RSPO3: variants seen among roughly 807,000 people sequenced by gnomAD.
RSPO3 encodes the protein R-spondin-3.
A neutral mutation model predicts 36.5 loss-of-function variants in RSPO3; 17 were observed. The ratio of observed to expected loss-of-function variants is 0.47; its 90% CI spans 0.32 to 0.70. The LOEUF (loss-of-function observed/expected upper bound fraction) is 0.70, where lower values mean the gene tolerates loss of function less well. Ranked by LOEUF, RSPO3 falls within the 30% of genes least tolerant of loss-of-function variation. The probability of loss-of-function intolerance (pLI) is 0.04; values close to 1 mark genes in which losing one functional copy is unlikely to be tolerated. For synonymous variants in RSPO3, 108 were observed against 107.0 expected (o/e 1.01, Z -0.06); for missense variants, 294 against 322.5 (o/e 0.91, Z 0.68).
At chr6:127,126,742 T>A (rs1026247252) in intron 1 of RSPO3, among the ~76,000 whole-genome samples, 1 of 152,086 alleles carries the variant, frequency 6.6e-6, no homozygotes, top group Non-Finnish European at 1.5e-5. Context: ...TATGCTCTCT[T>A]AATATAAGAG....
At chr6:127,137,786 G>C (rs1284084873) in intron 1 of RSPO3, among the ~76,000 whole-genome samples, 1 of 151,970 alleles carries the variant, frequency 6.6e-6, no homozygotes, top group African/African-American at 2.4e-5. Context: ...GTAGTCTTTA[G>C]ATATCTCAAT....
chr6:127,121,242 T>A (rs184136568), intron 1 of RSPO3, among the ~76,000 whole-genome samples: 3 of 152,292 alleles, frequency 2.0e-5, no homozygotes, highest in Admixed American at 2.0e-4. Context: ...TTGTAGTCCT[T>A]TTGTGCCCAC....
At position 127,133,735 on chromosome 6, in the gene RSPO3, A is replaced by C. The variant is rs1436004177; in HGVS notation, c.97+14446A>C. On this transcript the variant is annotated intron_variant, in intron 1 of 4. Coordinates refer to ENST00000356698, the MANE Select transcript of RSPO3 (RefSeq NM_032784.5). ...TAAAAAGCTAACAAGGCAAAAAAGG[A>C]ATCTTGTTAGGGGAAAAATATGGAA... 7.9e-5 allele frequency among the ~76,000 whole-genome samples: 12 copies of C among 152,256 alleles called. No individual in the cohort carries two copies. In the East Asian group the frequency reaches 2.3e-3, roughly 29 times the overall value.
At chr6:127,157,098 C>T (rs1774609846) in intron 4 of RSPO3, among the ~76,000 whole-genome samples, 1 of 152,078 alleles carries the variant, frequency 6.6e-6, no homozygotes, top group Non-Finnish European at 1.5e-5. Flanking sequence ...GGCCTTTTGG[C>T]ATTTGTTACC....
intron 4 of RSPO3, among the ~76,000 whole-genome samples, chr6:127,157,727 A>G (rs1441127810): frequency 2.0e-5 from 3 of 152,008 alleles, no homozygotes; most frequent in Non-Finnish European, 4.4e-5. Context: ...TTCCAGATTT[A>G]GTCCTACTTT....
chr6:127,176,206 T>A (rs900812658), intron 4 of RSPO3, among the ~76,000 whole-genome samples: 8 of 151,882 alleles, frequency 5.3e-5, no homozygotes, highest in African/African-American at 1.9e-4. Flanking sequence ...ATTTATGAGA[T>A]ACTTTAATGT....
At position 127,148,663 on chromosome 6, in the gene RSPO3, G is replaced by C; in HGVS notation, c.113G>C (p.Ser38Thr). 1 of 1,612,300 alleles carries C rather than the reference G, an allele frequency of 6.2e-7. No homozygotes were observed. The change falls in exon 2 of 5, where the codon AGT (serine) becomes ACT (threonine). Residue 38 changes from serine to threonine, a missense_variant. Ser to Thr is a moderately conservative substitution (Grantham distance 58). Around this residue, in one of 3 missense-constraint regions of RSPO3, gnomAD observed 61 missense variants for 51.3 expected, o/e 1.19. Transcript: ENST00000356698. ...GTCTCCACAGTGCATCCTAACGTTA[G>C]TCAAGGCTGCCAAGGAGGCTGTGCA... Reference protein sequence around the residue: ...RRQRRMHPNVSQGCQGGCATC... With the variant: ...RRQRRMHPNVTQGCQGGCATC...
intron 4 of RSPO3, among the ~76,000 whole-genome samples, chr6:127,167,974 T>G (rs908195382): frequency 5.3e-5 from 8 of 152,100 alleles, no homozygotes; most frequent in Non-Finnish European, 1.2e-4. Context: ...TATTCCATGG[T>G]GTATATGTGC....
At chr6:127,167,407 A>G (rs947781732) in intron 4 of RSPO3, among the ~76,000 whole-genome samples, 27 of 152,104 alleles carry the variant, frequency 1.8e-4, no homozygotes, top group African/African-American at 5.8e-4. Context: ...TTTGCTGAGG[A>G]TAACAGCTTC....
intron 4 of RSPO3, among the ~76,000 whole-genome samples, chr6:127,169,005 T>C (rs953689160): frequency 2.0e-5 from 3 of 152,054 alleles, no homozygotes; most frequent in Non-Finnish European, 2.9e-5. Flanking sequence ...ACTGTAGCCT[T>C]GTAGTATAGT....
chr6:127,149,341 A>G (rs944477685), intron 2 of RSPO3, among the ~76,000 whole-genome samples: 1 of 151,922 alleles, frequency 6.6e-6, no homozygotes, highest in African/African-American at 2.4e-5. Flanking sequence ...AGGAAATACC[A>G]CTCTATTCAA....
At chr6:127,131,626 G>C (rs1394527594) in intron 1 of RSPO3, among the ~76,000 whole-genome samples, 1 of 152,042 alleles carries the variant, frequency 6.6e-6, no homozygotes, top group East Asian at 1.9e-4. Context: ...GAGTTGAACA[G>C]TCTTAATTTT....
intron 1 of RSPO3, among the ~76,000 whole-genome samples, chr6:127,142,480 C>T (rs1774292605): frequency 6.6e-6 from 1 of 152,114 alleles, no homozygotes; most frequent in Non-Finnish European, 1.5e-5. Context: ...TAATATTACT[C>T]CAAACTTAAA....
At chr6:127,192,776 G>T in intron 4 of RSPO3, 2 of 655,362 alleles carry the variant, frequency 3.1e-6, no homozygotes, top group Non-Finnish European at 3.8e-6. Context: ...ACGTGTGTGT[G>T]TATATATATA....
At chr6:127,186,240 T>C (rs1775291841) in intron 4 of RSPO3, among the ~76,000 whole-genome samples, 1 of 152,150 alleles carries the variant, frequency 6.6e-6, no homozygotes, top group African/African-American at 2.4e-5. Context: ...ATATTTATCA[T>C]ATACTGATTC....
chr6:127,185,795 G>C (rs986744372), intron 4 of RSPO3, among the ~76,000 whole-genome samples: 5 of 152,084 alleles, frequency 3.3e-5, no homozygotes, highest in African/African-American at 1.2e-4. Context: ...ATAACATGAT[G>C]AAAGAGTAGA....
At chr6:127,190,320 C>A (rs575297859) in intron 4 of RSPO3, among the ~76,000 whole-genome samples, 2 of 151,954 alleles carry the variant, frequency 1.3e-5, no homozygotes, top group Non-Finnish European at 2.9e-5. Flanking sequence ...TCCAGCTACT[C>A]GGGAGGCTGA....
intron 4 of RSPO3, among the ~76,000 whole-genome samples, chr6:127,157,190 G>A (rs1774611238): frequency 6.6e-6 from 1 of 152,112 alleles, no homozygotes; most frequent in African/African-American, 2.4e-5. Flanking sequence ...GTATGCTCCT[G>A]TTGCCGTACA....
chr6:127,160,074 T>C (rs1774680166), intron 4 of RSPO3, among the ~76,000 whole-genome samples: 3 of 152,314 alleles, frequency 2.0e-5, no homozygotes, highest in Non-Finnish European at 1.5e-5. Context: ...GCTATAATCA[T>C]TTCTTTTTCA....
Sources: allele counts gnomAD v4.1 joint callset (sites outside exome capture counted in the v4.1 genomes callset), GRCh38; gene constraint gnomAD v4.1.1; regional missense constraint gnomAD v4.1.1; transcripts MANE v1.5; gene names NCBI Gene and HGNC (gene_info 2026-07-23, HGNC 2026-07-21).